Variants in ERBB4 observed in about 807,000 individuals in gnomAD.
ERBB4 encodes the protein receptor tyrosine-protein kinase erbB-4.
A neutral mutation model predicts 158.0 loss-of-function variants in ERBB4; 42 were observed. The ratio of observed to expected loss-of-function variants is 0.27; its 90% CI spans 0.21 to 0.34. The LOEUF (loss-of-function observed/expected upper bound fraction) is 0.34, where lower values mean the gene tolerates loss of function less well. Ranked by LOEUF, ERBB4 falls within the 10% of genes least tolerant of loss-of-function variation. The pLI, the probability that ERBB4 is intolerant of heterozygous loss-of-function variation, is 1.00. For missense variants in ERBB4, 1,333 were observed against 1,624.1 expected (o/e 0.82, Z 3.08); for synonymous variants, 583 against 558.7 (o/e 1.04, Z -0.61).
chr2:211,676,299 G>A (rs2072068077), intron 13 of ERBB4, among the ~76,000 whole-genome samples: 1 of 152,004 alleles, frequency 6.6e-6, no homozygotes, highest in Admixed American at 6.6e-5. Flanking sequence ...GGTTTCCTGG[G>A]GTGCCATAAT....
rs1374147599 is a variant in ERBB4, at chr2:211,552,643, T to C, written c.2487+9260A>G. On this transcript the variant is annotated intron_variant, in intron 20 of 27. Coordinates refer to ENST00000342788, the MANE Select transcript of ERBB4 (RefSeq NM_005235.3). ...GGAAAAAAAAATCTGACAAGGTAAA[T>C]AGGCCAGCAAAGCTCTGAGGAAGGT... Among the ~76,000 whole-genome samples the C allele has an allele frequency of 2.6e-5, 4 of 151,970 alleles. No homozygotes were observed. The East Asian group carries it at 7.7e-4, about 29-fold the overall frequency.
rs558255118 is a variant in ERBB4, at chr2:212,067,480, A to G, written c.234+57272T>C. Among the ~76,000 whole-genome samples, 7 of 152,134 alleles carry G rather than the reference A, an allele frequency of 4.6e-5. No homozygotes were observed. In the East Asian group the frequency reaches 1.4e-3, roughly 29 times the overall value. ...ATCCTGAATTCTTCTAATTTTGTCC[A>G]ATATCTGGTTACAACTCTATAACAA... On this transcript the variant is annotated intron_variant, in intron 2 of 27. Coordinates refer to ENST00000342788, the MANE Select transcript of ERBB4 (RefSeq NM_005235.3).
intron 3 of ERBB4, among the ~76,000 whole-genome samples, chr2:211,848,241 G>A (rs2077635644): frequency 6.6e-6 from 1 of 152,084 alleles, no homozygotes; most frequent in Non-Finnish European, 1.5e-5. Context: ...TGGGTATAAA[G>A]TTTGTACCAC....
intron 1 of ERBB4, among the ~76,000 whole-genome samples, chr2:212,353,670 C>A (rs911159996): frequency 6.6e-6 from 1 of 151,944 alleles, no homozygotes; most frequent in African/African-American, 2.4e-5. Context: ...AAGAAATCTA[C>A]ACTCAAATAC....
intron 2 of ERBB4, among the ~76,000 whole-genome samples, chr2:212,029,957 G>A (rs1250947540): frequency 6.6e-6 from 1 of 152,038 alleles, no homozygotes; most frequent in Non-Finnish European, 1.5e-5. Context: ...ATAAGGTTTT[G>A]CAAGTTTTGC....
chr2:211,885,367 A>C (rs7562817), intron 3 of ERBB4, among the ~76,000 whole-genome samples: 21,537 of 152,160 alleles, frequency 0.14, 1,885 homozygotes, highest in African/African-American at 0.24. Flanking sequence ...TAAAGAAAAT[A>C]TATTTTGAAA....
At chr2:212,522,653 T>C (rs1408703366) in intron 1 of ERBB4, among the ~76,000 whole-genome samples, 2 of 151,936 alleles carry the variant, frequency 1.3e-5, no homozygotes, top group East Asian at 1.9e-4. Flanking sequence ...TTACTTCTTG[T>C]TGAGTGCATT....
chr2:211,954,375 T>A (rs1313484857), intron 2 of ERBB4, among the ~76,000 whole-genome samples: 1 of 152,062 alleles, frequency 6.6e-6, no homozygotes, highest in Non-Finnish European at 1.5e-5. Flanking sequence ...CAAATCCATG[T>A]TTATTACTTA....
Position 211,802,370 on chromosome 2 carries a change from C to G in ERBB4, c.422-14211G>C, listed in dbSNP as rs533971204. Among the ~76,000 whole-genome samples the G allele has an allele frequency of 4.3e-3, 661 of 152,172 alleles. 5 individuals carry two copies. Among genetic ancestry groups the G allele is most frequent in the Non-Finnish European group, 7.5e-3 (513 of 67,992 alleles). On this transcript the variant is annotated intron_variant, in intron 3 of 27. Transcript: ENST00000342788. Reference sequence around the variant, plus strand: ...CACCATTGTCACATACATATCTTTCCTTACAATTAATGACATCACAAGAAC... The same window carrying G: ...CACCATTGTCACATACATATCTTTCGTTACAATTAATGACATCACAAGAAC...
rs767533097 is a variant in ERBB4, at chr2:211,630,576, A to C, written c.1965T>G (p.Ala655=). The C allele has an allele frequency of 1.2e-6, 2 of 1,613,352 alleles. No individual in the cohort carries two copies. The highest frequency in any genetic ancestry group is 1.7e-6 in the Non-Finnish European group (2 of 1,179,742). Residue 655 remains alanine (A), a synonymous_variant, in exon 17 of 28, where the codon GCT becomes GCG. Transcript: ENST00000342788. ...GAATGAAGAGCCCACCAATTACTCC[A>C]GCTGCAATCAGGGGAGTTCTGACAA... ...PQHARTPLIA[A]GVIGGLFILV...
At chr2:212,027,001 T>A (rs1053162289) in intron 2 of ERBB4, among the ~76,000 whole-genome samples, 4 of 151,896 alleles carry the variant, frequency 2.6e-5, no homozygotes, top group African/African-American at 9.7e-5. Flanking sequence ...TTAATACAAA[T>A]AATAATTTGT....
intron 1 of ERBB4, among the ~76,000 whole-genome samples, chr2:212,380,104 G>A (rs1271476294): frequency 6.6e-6 from 1 of 151,002 alleles, no homozygotes; most frequent in Non-Finnish European, 1.5e-5. Context: ...TCTGCTGCAT[G>A]ATTATACACA....
At chr2:212,075,860 C>A (rs1247281524) in intron 2 of ERBB4, among the ~76,000 whole-genome samples, 1 of 151,852 alleles carries the variant, frequency 6.6e-6, no homozygotes, top group Non-Finnish European at 1.5e-5. Flanking sequence ...ACAAATAATT[C>A]TCTTATGACT....
At chr2:212,183,631 C>G (rs531297236) in intron 1 of ERBB4, among the ~76,000 whole-genome samples, 4 of 152,098 alleles carry the variant, frequency 2.6e-5, no homozygotes, top group African/African-American at 9.6e-5. Flanking sequence ...CACTGAAATA[C>G]TGCACTATGG....
chr2:212,153,351 T>C (rs1361280118), intron 1 of ERBB4, among the ~76,000 whole-genome samples: 2 of 152,066 alleles, frequency 1.3e-5, no homozygotes, highest in Admixed American at 1.3e-4. Flanking sequence ...AGACTGACAA[T>C]AGGACAAAGT....
At chr2:212,086,024 A>G (rs113164637) in intron 2 of ERBB4, among the ~76,000 whole-genome samples, 120 of 152,076 alleles carry the variant, frequency 7.9e-4, no homozygotes, top group African/African-American at 2.6e-3. Context: ...CCAATCTCTC[A>G]CATCCTAATC....
intron 2 of ERBB4, among the ~76,000 whole-genome samples, chr2:212,022,656 G>A (rs1047149700): frequency 6.6e-6 from 1 of 151,924 alleles, no homozygotes; most frequent in South Asian, 2.1e-4. Flanking sequence ...TAACAAACCT[G>A]CACATCCTGC....
At chr2:211,482,731 C>T (rs1191933754) in intron 20 of ERBB4, among the ~76,000 whole-genome samples, 3 of 152,096 alleles carry the variant, frequency 2.0e-5, no homozygotes, top group African/African-American at 4.8e-5. Flanking sequence ...CATGGAGAAA[C>T]CCTGTCTCTA....
At chr2:211,524,051 AC>A (rs2066266115) in intron 20 of ERBB4, among the ~76,000 whole-genome samples, 1 of 152,088 alleles carries the variant, frequency 6.6e-6, no homozygotes, top group South Asian at 2.1e-4. Flanking sequence ...GCACTCACAA[AC>A]CCTGAGCTAG....
Sources: allele counts gnomAD v4.1 joint callset (sites outside exome capture counted in the v4.1 genomes callset), GRCh38; gene constraint gnomAD v4.1.1; transcripts MANE v1.5; gene names NCBI Gene and HGNC (gene_info 2026-07-23, HGNC 2026-07-21).